EIF2B3: variants seen among roughly 807,000 people sequenced by gnomAD.
EIF2B3 encodes translation initiation factor eIF2B subunit gamma.
Under a neutral mutation model 54.1 loss-of-function variants are expected in EIF2B3, and 20 were observed. The ratio of observed to expected loss-of-function variants is 0.37; its 90% CI spans 0.26 to 0.54. EIF2B3 has a LOEUF of 0.54. Among genes scored for constraint, EIF2B3 ranks in the 20% least tolerant of loss-of-function variants. EIF2B3 has a pLI of 0.86. For synonymous variants in EIF2B3, 153 were observed against 188.1 expected (o/e 0.81, Z 1.52); for missense variants, 448 against 547.8 (o/e 0.82, Z 1.82).
At chr1:44,934,520 T>G (rs1477643802) in intron 4 of EIF2B3, among the ~76,000 whole-genome samples, 3 of 152,062 alleles carry the variant, frequency 2.0e-5, no homozygotes, top group African/African-American at 7.2e-5. Context: ...TATTTTTATT[T>G]TTTGAGAAGG....
chr1:44,925,529 T>C (rs1643834264), intron 5 of EIF2B3, among the ~76,000 whole-genome samples: 1 of 152,118 alleles, frequency 6.6e-6, no homozygotes, highest in Admixed American at 6.6e-5. Context: ...AGGGGAGCTG[T>C]TGTTTGATAG....
intron 3 of EIF2B3, among the ~76,000 whole-genome samples, chr1:44,972,234 CACACACACACACACAA>C (rs1056806708): frequency 2.7e-5 from 3 of 112,156 alleles, no homozygotes; most frequent in African/African-American, 8.2e-5. Flanking sequence ...AAAAAAAATA[CACACACACACACACAA>C]ACACACACAC....
At chr1:44,936,515 C>G (rs534828063) in intron 4 of EIF2B3, among the ~76,000 whole-genome samples, 1 of 151,954 alleles carries the variant, frequency 6.6e-6, no homozygotes, top group East Asian at 1.9e-4. Context: ...TGCTTGAACC[C>G]GAGAGGCAGA....
intron 3 of EIF2B3, among the ~76,000 whole-genome samples, chr1:44,942,412 T>TATATATACACATATATATAC: frequency 1.5e-4 from 3 of 19,608 alleles, no homozygotes; most frequent in Non-Finnish European, 2.9e-4. Flanking sequence ...TATATATATA[T>TATATATACACATATATATAC]ATATATTTTT....
chr1:44,852,115 A>ATTTTTTTT (rs34314171), intron 11 of EIF2B3, among the ~76,000 whole-genome samples: 1 of 133,278 alleles, frequency 7.5e-6, no homozygotes, highest in Non-Finnish European at 1.6e-5. Context: ...CACATGGCTA[A>ATTTTTTTT]TTTTTTTTTT....
At chr1:44,866,854 C>A (rs1474374776) in intron 10 of EIF2B3, among the ~76,000 whole-genome samples, 1 of 152,164 alleles carries the variant, frequency 6.6e-6, no homozygotes, top group Non-Finnish European at 1.5e-5. Flanking sequence ...CATGCCTGGC[C>A]GGCTATGACA....
rs528605446 is a variant in EIF2B3 at position 44,869,641 on chromosome 1, C to T, written c.1202+5037G>A. 3.5e-3 allele frequency among the ~76,000 whole-genome samples: 464 copies of T among 133,620 alleles called. 1 individual carries two copies. Among genetic ancestry groups the T allele is most frequent in the Non-Finnish European group, 4.7e-3 (296 of 63,204 alleles). 87.7% of individuals were successfully genotyped at this position (133,620 alleles called of 152,430 possible). On this transcript the variant is annotated intron_variant, in intron 10 of 11. Transcript: ENST00000360403. ...TTTGAGATGGAGTCTCGCTCTGTCA[C>T]CCAGGCTGGAGTGCAGTGGTGTGAT... is the stretch of plus-strand genomic sequence containing the variant.
intron 3 of EIF2B3, among the ~76,000 whole-genome samples, chr1:44,972,270 T>A (rs28755458): frequency 1.4e-5 from 1 of 72,302 alleles, no homozygotes; most frequent in Non-Finnish European, 2.6e-5. Context: ...CACACACATA[T>A]ACACACACAA....
chr1:44,965,681 C>CA (rs1317286656), intron 3 of EIF2B3, among the ~76,000 whole-genome samples: 1 of 141,336 alleles, frequency 7.1e-6, no homozygotes, highest in African/African-American at 2.7e-5. Flanking sequence ...ACTCTGTGGC[C>CA]CAGGCTGGAG....
chr1:44,874,853 G>C (rs1392806571), intron 9 of EIF2B3, 27 bp from the exon 10 acceptor site: 4 of 1,613,866 alleles, frequency 2.5e-6, no homozygotes, highest in Admixed American at 1.7e-5. Flanking sequence ...ATAAAACTCT[G>C]TCCACCCATC....
intron 10 of EIF2B3, among the ~76,000 whole-genome samples, chr1:44,862,759 G>A (rs1020639256): frequency 1.3e-5 from 2 of 151,956 alleles, no homozygotes; most frequent in African/African-American, 2.4e-5. Flanking sequence ...CATCATGCCC[G>A]GCTAATTTTT....
chr1:44,940,962 C>A (rs567046254), intron 4 of EIF2B3, among the ~76,000 whole-genome samples: 1 of 151,550 alleles, frequency 6.6e-6, no homozygotes, highest in South Asian at 2.1e-4. Context: ...TCTCGGCTCA[C>A]TGCAACCTCC....
intron 6 of EIF2B3, among the ~76,000 whole-genome samples, chr1:44,882,928 C>CTTTTTTTTTT (rs1003449669): frequency 8.7e-6 from 1 of 114,456 alleles, no homozygotes; most frequent in Admixed American, 9.2e-5. Context: ...TTTTCTTTTT[C>CTTTTTTTTTT]TTTTTTTTTT....
intron 5 of EIF2B3, among the ~76,000 whole-genome samples, chr1:44,912,593 T>G (rs1643537812): frequency 6.6e-6 from 1 of 152,168 alleles, no homozygotes; most frequent in Non-Finnish European, 1.5e-5. Flanking sequence ...TCTCGGCATA[T>G]AGGATTCAGC....
intron 3 of EIF2B3, among the ~76,000 whole-genome samples, chr1:44,964,397 A>G (rs909359856): frequency 1.3e-5 from 2 of 152,236 alleles, no homozygotes; most frequent in African/African-American, 4.8e-5. Flanking sequence ...TCTGACAAAT[A>G]AAAATCTCTG....
rs60757270 is a variant in EIF2B3 at position 44,910,631 on chromosome 1, CTTTTTTTTTTTT to C, written c.567-13199_567-13188del. ...TCCCTCCCCACCCCCCCAAGTAATG[CTTTTTTTTTTTT>C]TTTTTTTTTTTTTTAAAAGAGAGAA... On this transcript the variant is annotated intron_variant, in intron 5 of 11. Transcript: ENST00000360403. Among the ~76,000 whole-genome samples the C allele has an allele frequency of 1.4e-3, 84 of 61,410 alleles. 2 individuals carry two copies. The highest frequency in any genetic ancestry group is 2.4e-3 in the Non-Finnish European group (78 of 32,316). 40.3% of individuals were successfully genotyped at this position (61,410 alleles called of 152,430 possible).
chr1:44,959,412 C>A (rs1280970813), intron 3 of EIF2B3: 2 of 492,226 alleles, frequency 4.1e-6, no homozygotes, highest in Non-Finnish European at 7.7e-6. Flanking sequence ...CATGGTGTCA[C>A]ACACCTGTGA....
At chr1:44,983,024 C>A (rs1644531069) in intron 1 of EIF2B3, among the ~76,000 whole-genome samples, 1 of 152,198 alleles carries the variant, frequency 6.6e-6, no homozygotes, top group Non-Finnish European at 1.5e-5. Context: ...CCCACCTTGG[C>A]CTCCCAAAGT....
chr1:44,964,293 C>T (rs1199310135), intron 3 of EIF2B3, among the ~76,000 whole-genome samples: 2 of 152,138 alleles, frequency 1.3e-5, no homozygotes, highest in Admixed American at 6.6e-5. Context: ...TCTTAAGGAA[C>T]GTTGCCACTT....
Sources: gnomAD v4.1 joint callset for allele counts (sites outside exome capture counted in the v4.1 genomes callset) on GRCh38, gnomAD v4.1.1 for gene constraint, MANE v1.5 for transcripts, NCBI Gene and HGNC (gene_info 2026-07-23, HGNC 2026-07-21) for gene names.